Variants in EXOC7 observed in about 807,000 individuals in gnomAD.
The protein encoded by EXOC7 is exocyst complex component 7.
A neutral mutation model predicts 87.6 loss-of-function variants in EXOC7; 51 were observed. The observed-to-expected ratio is 0.58, with a 90% CI of 0.46 to 0.73. The LOEUF (loss-of-function observed/expected upper bound fraction) is 0.73. EXOC7 is among the 30% of genes least tolerant of loss of function. The probability of loss-of-function intolerance (pLI) is 0.00; values close to 1 mark genes in which losing one functional copy is unlikely to be tolerated. For synonymous variants in EXOC7, 327 were observed against 357.1 expected (o/e 0.92, Z 0.95); for missense variants, 744 against 888.4 (o/e 0.84, Z 2.07).
chr17:76,090,379 C>T (rs911250370), intron 7 of EXOC7: 32 of 1,551,606 alleles, frequency 2.1e-5, no homozygotes, highest in Non-Finnish European at 2.5e-5. Context: ...GTGCTTAACT[C>T]GGAAATCATG....
chr17:76,100,551 T>G (rs1438942585), intron 4 of EXOC7, among the ~76,000 whole-genome samples: 2 of 151,450 alleles, frequency 1.3e-5, no homozygotes, highest in African/African-American at 4.9e-5. Context: ...GGGAATCACT[T>G]GAACCTCGGA....
rs1433368868 is a variant in EXOC7, at chr17:76,087,725, G to A, written c.1363-5C>T. ...CTGCTGCAGGAAGAGGATGGCCTGG[G>A]TGGGAAGAAAACGGTGCAGAAGGGC... is the stretch of plus-strand genomic sequence containing the variant. On this transcript the variant is annotated splice_polypyrimidine_tract_variant and splice_region_variant and intron_variant, in intron 11 of 18. Coordinates refer to ENST00000589210, the MANE Select transcript of EXOC7 (RefSeq NM_001013839.4). 2 of 1,551,070 alleles carry A rather than the reference G, an allele frequency of 1.3e-6. No homozygotes were observed. The highest frequency in any genetic ancestry group is 1.7e-6 in the Non-Finnish European group (2 of 1,146,972).
intron 7 of EXOC7, chr17:76,090,892 G>A (rs2067447933): frequency 3.5e-6 from 2 of 572,706 alleles, no homozygotes; most frequent in Non-Finnish European, 6.2e-6. Flanking sequence ...AGGAGACAAG[G>A]ACAGAGACAG....
chr17:76,098,584 G>A (rs915779134), intron 4 of EXOC7, among the ~76,000 whole-genome samples: 6 of 151,868 alleles, frequency 4.0e-5, no homozygotes, highest in African/African-American at 9.7e-5. Flanking sequence ...CTGATTGGCC[G>A]TGCACGGTGG....
rs371765385 is a variant in EXOC7 at position 76,081,958 on chromosome 17, C to T, written c.*1690G>A. 143 of 1,612,792 alleles carry T rather than the reference C, an allele frequency of 8.9e-5. No homozygotes were observed. Among genetic ancestry groups the T allele is most frequent in the Middle Eastern group, 1.6e-4 (1 of 6,078 alleles). On this transcript the variant is annotated 3_prime_UTR_variant, in exon 19 of 19. Transcript: ENST00000589210. ...CTGTGCTGCTGGCTGGGCTGCTGGCCCGGGGCAACCTTGGGGCCAAGAGCG... is the reference window on the plus strand; with the variant it reads ...CTGTGCTGCTGGCTGGGCTGCTGGCTCGGGGCAACCTTGGGGCCAAGAGCG...
rs1175269281 is a variant in EXOC7, at chr17:76,103,613, C to T, written c.60+20G>A. The T allele has an allele frequency of 6.2e-7, 1 of 1,613,196 alleles. No individual in the cohort carries two copies. The highest frequency in any genetic ancestry group is 8.5e-7 in the Non-Finnish European group (1 of 1,179,600). ...CCCTTTCCCTCACCTCCTCCCCAGC[C>T]TCCCCAGGCCCACGCCCACCTGCTT... On this transcript the variant is annotated intron_variant, in intron 1 of 18. Coordinates refer to ENST00000589210, the MANE Select transcript of EXOC7 (RefSeq NM_001013839.4).
intron 2 of EXOC7, 49 bp downstream of exon 2, chr17:76,103,312 C>T (rs547886091): frequency 6.5e-7 from 1 of 1,536,042 alleles, no homozygotes; most frequent in South Asian, 1.2e-5. Flanking sequence ...CAAGGCTCTC[C>T]CCCAGGGTCC....
At chr17:76,085,981 G>A in intron 13 of EXOC7, 99 bp downstream of exon 13, 6 of 1,523,270 alleles carry the variant, frequency 3.9e-6, no homozygotes, top group South Asian at 1.2e-5. Flanking sequence ...TGGCACTTAG[G>A]AGAGGGCCCT....
intron 10 of EXOC7, 81 bp downstream of exon 10, chr17:76,088,383 G>A (rs965089448): frequency 2.9e-6 from 4 of 1,387,284 alleles, no homozygotes; most frequent in Non-Finnish European, 4.0e-6. Context: ...CCTCTTGGAG[G>A]CCTGCTCTGA....
At position 76,081,170 on chromosome 17, in the gene EXOC7, A is replaced by G. The variant is rs1285247656; in HGVS notation, c.*2478T>C. ...TTTTGTGTCCAAGTCTGTCCCTGCC[A>G]AAAGCCATCAAAAGTCTCCATCACC... On this transcript the variant is annotated 3_prime_UTR_variant, in exon 19 of 19. Coordinates refer to ENST00000589210, the MANE Select transcript of EXOC7 (RefSeq NM_001013839.4). 2 of 1,495,214 alleles carry G rather than the reference A, an allele frequency of 1.3e-6. No homozygotes were observed. The highest frequency in any genetic ancestry group is 4.6e-5 in the East Asian group (2 of 43,898). The allele number at this position is 1,495,214 out of a possible 1,614,324, so 92.6% of individuals were successfully genotyped here. A position where few individuals can be genotyped will look rare whatever the true frequency, so the allele number is the denominator to read the frequency against.
chr17:76,084,434 T>C, intron 16 of EXOC7, 83 bp downstream of exon 16: 1 of 1,566,976 alleles, frequency 6.4e-7, no homozygotes, highest in Non-Finnish European at 8.8e-7. Context: ...CCCAGAGGGA[T>C]GCTTGTCCAC....
chr17:76,088,260 C>G, intron 10 of EXOC7, 138 bp from the exon 11 acceptor site: 1 of 1,030,818 alleles, frequency 9.7e-7, no homozygotes, highest in South Asian at 1.5e-5. Context: ...CAGGCTGGAC[C>G]AAGGGGGAGA....
rs1438409634 is a variant in EXOC7 at position 76,089,251 on chromosome 17, G to A, written c.971C>T (p.Ala324Val). ...IHCVSAFVKL[A>V]QSEYQLLADI... ...GGCCAGCAGCTGGTACTCGCTCTGC[G>A]CCAGCTTGACGAAGGCACTGACGCA... is the stretch of plus-strand genomic sequence containing the variant. Residue 324 changes from alanine (A) to valine (V), a missense_variant, in exon 8 of 19, where the codon GCG becomes GTG. Ala to Val is a moderately conservative substitution (Grantham distance 64, BLOSUM62 0). This residue lies in a region of EXOC7 where 512 missense variants were observed against 573.0 expected (regional missense o/e 0.89). Transcript: ENST00000589210. The A allele has an allele frequency of 6.2e-6, 10 of 1,614,102 alleles. No individual in the cohort carries two copies. The highest frequency in any genetic ancestry group is 2.2e-5 in the East Asian group (1 of 44,886).
chr17:76,097,941 G>A lies in EXOC7; in HGVS notation c.495C>T (p.Val165=). 4 of 1,614,092 alleles carry A rather than the reference G, an allele frequency of 2.5e-6. No homozygotes were observed. The highest frequency in any genetic ancestry group is 3.4e-6 in the Non-Finnish European group (4 of 1,180,020). The part of the protein sequence containing the change: ...RSLMTRHSKV[V]SPVLILDLIS... The stretch of plus-strand genomic sequence containing the variant: ...TCAGATCCAAGATGAGCACGGGCGA[G>A]ACGACCTTACTGTGCCGCGTCATCA... Residue 165 remains valine, a synonymous_variant, in exon 5 of 19, where the codon GTC becomes GTT. Transcript: ENST00000589210.
chr17:76,081,315 G>T lies in EXOC7; in HGVS notation c.*2333C>A, dbSNP rs1315911704. 1 of 1,614,046 alleles carries T rather than the reference G, an allele frequency of 6.2e-7. No individual in the cohort carries two copies. Among genetic ancestry groups the T allele is most frequent in the Non-Finnish European group, 8.5e-7 (1 of 1,180,042 alleles). On this transcript the variant is annotated 3_prime_UTR_variant, in exon 19 of 19. Coordinates refer to ENST00000589210, the MANE Select transcript of EXOC7 (RefSeq NM_001013839.4). ...AGTTCCAGGCCCACGTGGTGAACGA[G>T]ATTGTGAGTGTCAAGAGGGAATACG... is the stretch of plus-strand genomic sequence containing the variant.
rs2066952935 is a variant in EXOC7, at chr17:76,081,177, A to G, written c.*2471T>C. 1 of 1,526,196 alleles carries G rather than the reference A, an allele frequency of 6.6e-7. No individual in the cohort carries two copies. Among genetic ancestry groups the G allele is most frequent in the South Asian group, 1.3e-5 (1 of 79,400 alleles). 94.5% of individuals were successfully genotyped at this position (1,526,196 alleles called of 1,614,324 possible). The stretch of plus-strand genomic sequence containing the variant: ...TCCAAGTCTGTCCCTGCCAAAAGCC[A>G]TCAAAAGTCTCCATCACCCCTGGGC... On this transcript the variant is annotated 3_prime_UTR_variant, in exon 19 of 19. Coordinates refer to ENST00000589210, the MANE Select transcript of EXOC7 (RefSeq NM_001013839.4).
intron 4 of EXOC7, among the ~76,000 whole-genome samples, chr17:76,098,929 G>A (rs2067918276): frequency 6.6e-6 from 1 of 151,034 alleles, no homozygotes; most frequent in Admixed American, 6.6e-5. Context: ...TTGTCTTCTT[G>A]TTAGTGGGGG....
intron 7 of EXOC7, chr17:76,090,402 C>T (rs530640608): frequency 3.9e-6 from 6 of 1,551,678 alleles, no homozygotes; most frequent in South Asian, 1.2e-5. Context: ...CGTGACCTGG[C>T]GAGATGTCGG....
chr17:76,084,360 A>G (rs2067112590), intron 16 of EXOC7, 71 bp from the exon 17 acceptor site: 8 of 1,606,100 alleles, frequency 5.0e-6, no homozygotes, highest in Non-Finnish European at 6.0e-6. Context: ...CTCTTCCCCA[A>G]ACACCCTTGG....
Sources: allele counts gnomAD v4.1 joint callset (sites outside exome capture counted in the v4.1 genomes callset), GRCh38; gene constraint gnomAD v4.1.1; regional missense constraint gnomAD v4.1.1; transcripts MANE v1.5; gene names NCBI Gene and HGNC (gene_info 2026-07-23, HGNC 2026-07-21).